TIGAR: variants seen among roughly 807,000 people sequenced by gnomAD.
TIGAR encodes the protein fructose-2,6-bisphosphatase TIGAR.
Under a neutral mutation model 17.9 loss-of-function variants are expected in TIGAR, and 7 were observed. That is an observed-to-expected ratio of 0.39 (90% CI 0.22 to 0.73). The LOEUF is 0.73. Ranked by LOEUF, TIGAR falls within the 30% of genes least tolerant of loss-of-function variation. The pLI, the probability that TIGAR is intolerant of heterozygous loss-of-function variation, is 0.42. For synonymous variants in TIGAR, 94 were observed against 108.6 expected, an observed-to-expected ratio of 0.87 and a Z score of 0.84; for missense variants, 258 against 327.4, an observed-to-expected ratio of 0.79 and a Z score of 1.64.
rs2120698936 is a variant in TIGAR, at chr12:4,353,933, CTCT to C, written c.*1247_*1249del. 1 of 152,602 alleles carries C rather than the reference CTCT, an allele frequency of 6.6e-6. No individual in the cohort carries two copies. The highest frequency in any genetic ancestry group is 1.5e-5 in the Non-Finnish European group (1 of 67,988). 9.5% of individuals were successfully genotyped at this position (152,602 alleles called of 1,614,324 possible). A position where few individuals can be genotyped will look rare whatever the true frequency, so the allele number is the denominator to read the frequency against. On this transcript the variant is annotated 3_prime_UTR_variant, in exon 6 of 6. Coordinates refer to ENST00000179259, the MANE Select transcript of TIGAR (RefSeq NM_020375.3). ...TTGTGGCAGGTACAGGTGAGGTTGC[CTCT>C]TCTTTCCACCAGATGGCACTGGAGA... is the stretch of plus-strand genomic sequence containing the variant.
At position 4,354,037 on chromosome 12, in the gene TIGAR, T is replaced by A. The variant is rs914983287; in HGVS notation, c.*1346T>A. The A allele has an allele frequency of 1.3e-5, 2 of 152,604 alleles. No individual in the cohort carries two copies. Among genetic ancestry groups the A allele is most frequent in the Non-Finnish European group, 2.9e-5 (2 of 68,028 alleles). The allele number at this position is 152,604 out of a possible 1,614,324, so 9.5% of individuals were successfully genotyped here. A position where few individuals can be genotyped will look rare whatever the true frequency, so the allele number is the denominator to read the frequency against. On this transcript the variant is annotated 3_prime_UTR_variant, in exon 6 of 6. Coordinates refer to ENST00000179259, the MANE Select transcript of TIGAR (RefSeq NM_020375.3). ...ATCTTTATCTAAATGAAGAAACTGT[T>A]CTACATGTAGTTCGCTTTTAAGTCA...
chr12:4,321,427 T>A lies in TIGAR; in HGVS notation c.32+124T>A. 7.2e-7 allele frequency: 1 copy of A among 1,395,634 alleles called. No homozygotes were observed. Among genetic ancestry groups the A allele is most frequent in the Non-Finnish European group, 9.8e-7 (1 of 1,023,244 alleles). 86.5% of individuals were successfully genotyped at this position (1,395,634 alleles called of 1,614,324 possible). ...CTCGCTCCAGCCCGGGAGGGCTGGC[T>A]TGGAAGCGCTTTTTCCGGGGCGCTT... On this transcript the variant is annotated intron_variant, in intron 1 of 5. Coordinates refer to ENST00000179259, the MANE Select transcript of TIGAR (RefSeq NM_020375.3). The surrounding 1 kb of genome is among the most constrained non-coding windows in gnomAD (Gnocchi z 5.2).
Position 4,351,292 on chromosome 12 carries a change from C to T in TIGAR, c.296C>T (p.Ala99Val), listed in dbSNP as rs767269979. The T allele has an allele frequency of 1.7e-5, 27 of 1,614,012 alleles. No homozygotes were observed. Among genetic ancestry groups the T allele is most frequent in the South Asian group, 2.2e-5 (2 of 91,084 alleles). The stretch of plus-strand genomic sequence containing the variant: ...AAATACGGGGTTGTAGAAGGCAAAG[C>T]GCTAAGTGAGCTGAGGGCCATGGCC... ...ERKYGVVEGK[A>V]LSELRAMAKA... Residue 99 changes from alanine (A) to valine (V), a missense_variant, in exon 5 of 6, where the codon GCG becomes GTG. By Grantham distance (64) the Ala-to-Val change is moderately conservative. Transcript: ENST00000179259.
rs766696947 is a variant in TIGAR, at chr12:4,331,247, G to A, written c.33-33G>A. On this transcript the variant is annotated intron_variant, in intron 1 of 5. Transcript: ENST00000179259. The stretch of plus-strand genomic sequence containing the variant: ...CTCCTCTCAAAAACAGTATAATTTG[G>A]CTAATAAGGTTGTCCTTCTCTTTCT... 1.7e-5 allele frequency: 27 copies of A among 1,580,080 alleles called. No homozygotes were observed. The South Asian group carries it at 2.9e-4, about 17-fold the overall frequency.
intron 1 of TIGAR, chr12:4,324,638 T>G: frequency 7.1e-7 from 1 of 1,414,354 alleles, no homozygotes; most frequent in South Asian, 1.2e-5. Context: ...CGCAGGCGCT[T>G]CAGCAGCGAG....
At chr12:4,325,214 T>C (rs988189812) in intron 1 of TIGAR, among the ~76,000 whole-genome samples, 2 of 152,080 alleles carry the variant, frequency 1.3e-5, no homozygotes, top group African/African-American at 4.8e-5. Flanking sequence ...AGTGTTGGGA[T>C]TACAGGCGTG....
intron 1 of TIGAR, among the ~76,000 whole-genome samples, chr12:4,324,999 A>G (rs1360548817): frequency 6.7e-6 from 1 of 149,384 alleles, no homozygotes; most frequent in Admixed American, 6.7e-5. Context: ...TTGGAGTGCA[A>G]TGGCATGATC....
chr12:4,337,169 A>G lies in TIGAR; in HGVS notation c.192+9A>G, dbSNP rs369548401. The G allele has an allele frequency of 6.3e-7, 1 of 1,591,794 alleles. No homozygotes were observed. Among genetic ancestry groups the G allele is most frequent in the Non-Finnish European group, 8.6e-7 (1 of 1,162,562 alleles). On this transcript the variant is annotated intron_variant, in intron 3 of 5. Transcript: ENST00000179259. The stretch of plus-strand genomic sequence containing the variant: ...TCATGAGGACAAAGCAGGTACATTT[A>G]TTTATTTATTTATTTTGAGACAGAG...
chr12:4,323,391 T>C (rs1426013001), intron 1 of TIGAR, among the ~76,000 whole-genome samples: 31 of 152,204 alleles, frequency 2.0e-4, no homozygotes, highest in Admixed American at 2.0e-3. Context: ...AAATATGGAT[T>C]TTATTCCCTT....
At chr12:4,335,968 A>G (rs948729979) in intron 2 of TIGAR, among the ~76,000 whole-genome samples, 2 of 152,146 alleles carry the variant, frequency 1.3e-5, no homozygotes, top group Non-Finnish European at 2.9e-5. Flanking sequence ...TTTGATGCTT[A>G]CTGTTACTTG....
intron 3 of TIGAR, among the ~76,000 whole-genome samples, chr12:4,340,522 C>A (rs568967597): frequency 6.6e-6 from 1 of 152,312 alleles, no homozygotes; most frequent in African/African-American, 2.4e-5. Context: ...ATACCAATGA[C>A]ATTCTTCACA....
intron 1 of TIGAR, among the ~76,000 whole-genome samples, chr12:4,327,138 G>A (rs1864553976): frequency 6.6e-6 from 1 of 152,206 alleles, no homozygotes; most frequent in Non-Finnish European, 1.5e-5. Context: ...GCCAGGCGCA[G>A]TAGCTCGCAC....
chr12:4,328,817 T>C (rs967109340), intron 1 of TIGAR, among the ~76,000 whole-genome samples: 4 of 152,186 alleles, frequency 2.6e-5, no homozygotes, highest in Admixed American at 6.5e-5. Context: ...CCTCGTGATC[T>C]GCCCACCTCG....
intron 2 of TIGAR, among the ~76,000 whole-genome samples, chr12:4,336,195 T>G (rs965089805): frequency 6.6e-6 from 1 of 152,198 alleles, no homozygotes; most frequent in African/African-American, 2.4e-5. Flanking sequence ...GATTTGCATT[T>G]TATTTTACCA....
At chr12:4,324,620 T>A in intron 1 of TIGAR, 2 of 1,534,982 alleles carry the variant, frequency 1.3e-6, no homozygotes, top group Non-Finnish European at 1.8e-6. Context: ...GCCTCCTTCT[T>A]GGCCTTGCGC....
At chr12:4,329,251 A>G (rs1412617067) in intron 1 of TIGAR, among the ~76,000 whole-genome samples, 1 of 151,294 alleles carries the variant, frequency 6.6e-6, no homozygotes, top group African/African-American at 2.4e-5. Context: ...TATTCTGGCC[A>G]TAGTTAAGGA....
At chr12:4,337,721 A>G (rs1198398074) in intron 3 of TIGAR, among the ~76,000 whole-genome samples, 1 of 152,276 alleles carries the variant, frequency 6.6e-6, no homozygotes, top group East Asian at 1.9e-4. Context: ...GACAGGAGAA[A>G]TTAATCCACT....
intron 3 of TIGAR, among the ~76,000 whole-genome samples, chr12:4,339,032 A>C (rs1864691545): frequency 6.6e-6 from 1 of 151,452 alleles, no homozygotes; most frequent in Non-Finnish European, 1.5e-5. Flanking sequence ...GAGTAAACCA[A>C]ATCCAAAATT....
At chr12:4,335,974 ACTTG>A (rs1044784494) in intron 2 of TIGAR, among the ~76,000 whole-genome samples, 2 of 152,026 alleles carry the variant, frequency 1.3e-5, no homozygotes, top group Non-Finnish European at 2.9e-5. Context: ...GCTTACTGTT[ACTTG>A]CTTATTTTTG....
Sources: allele counts gnomAD v4.1 joint callset (sites outside exome capture counted in the v4.1 genomes callset), GRCh38; gene constraint gnomAD v4.1.1; non-coding constraint Gnocchi (gnomAD v3.1); transcripts MANE v1.5; gene names NCBI Gene and HGNC (gene_info 2026-07-23, HGNC 2026-07-21).